CRADD: variants seen among roughly 807,000 people sequenced by gnomAD.
The protein encoded by CRADD is death domain-containing protein CRADD.
CRADD carries 9 observed loss-of-function variants against 15.5 expected under a neutral mutation model. The observed-to-expected ratio is 0.58, with a 90% confidence interval of 0.35 to 1.01. The LOEUF (loss-of-function observed/expected upper bound fraction) is 1.01, where lower values mean the gene tolerates loss of function less well. Among genes scored for constraint, CRADD ranks in the 50% least tolerant of loss-of-function variants. The probability of loss-of-function intolerance (pLI) is 0.02; values close to 1 mark genes in which losing one functional copy is unlikely to be tolerated. For missense variants in CRADD, 227 were observed against 250.3 expected, an observed-to-expected ratio of 0.91 and a Z score of 0.63; for synonymous variants, 118 against 107.6, an observed-to-expected ratio of 1.10 and a Z score of -0.60.
intron 2 of CRADD, chr12:93,826,735 A>T (rs1298336161): frequency 2.0e-5 from 3 of 152,242 alleles, no homozygotes; most frequent in Admixed American, 6.5e-5. Flanking sequence ...GTGGCTGGAG[A>T]GAACTTTCAG....
At chr12:93,884,529 G>T (rs1958522807) in intron 2 of CRADD, among the ~76,000 whole-genome samples, 1 of 152,166 alleles carries the variant, frequency 6.6e-6, no homozygotes, top group East Asian at 1.9e-4. Context: ...GGAGGACGGG[G>T]TGGGGCCTCG....
At chr12:93,779,254 G>A (rs913785882) in intron 2 of CRADD, among the ~76,000 whole-genome samples, 3 of 152,148 alleles carry the variant, frequency 2.0e-5, no homozygotes, top group African/African-American at 7.2e-5. Context: ...GAGGCAATGA[G>A]ATGGAAATAC....
chr12:93,688,016 G>A (rs1481316106), intron 2 of CRADD, among the ~76,000 whole-genome samples: 1 of 152,182 alleles, frequency 6.6e-6, no homozygotes, highest in Non-Finnish European at 1.5e-5. Flanking sequence ...CTGTAGATCA[G>A]GTTATGTCCA....
At chr12:93,816,672 T>A (rs937252508) in intron 2 of CRADD, among the ~76,000 whole-genome samples, 1 of 152,154 alleles carries the variant, frequency 6.6e-6, no homozygotes, top group Non-Finnish European at 1.5e-5. Context: ...GTGGCTGCCA[T>A]ATTGGGTAGT....
At chr12:93,677,582 G>C (rs953517656) in intron 1 of CRADD, 110 bp downstream of exon 1, 6 of 152,280 alleles carry the variant, frequency 3.9e-5, no homozygotes, top group Admixed American at 6.5e-5. Context: ...TTTCCGATCC[G>C]GGCCAAGGCT....
intron 2 of CRADD, among the ~76,000 whole-genome samples, chr12:93,770,026 A>G (rs1013850685): frequency 1.3e-5 from 2 of 151,662 alleles, no homozygotes; most frequent in African/African-American, 2.4e-5. Flanking sequence ...CTTTGTTGTT[A>G]GTACTTTTTG....
chr12:93,741,475 T>G (rs989565886), intron 2 of CRADD, among the ~76,000 whole-genome samples: 3 of 152,178 alleles, frequency 2.0e-5, no homozygotes, highest in Admixed American at 6.5e-5. Flanking sequence ...AAGATCCTAC[T>G]CCAGTAAAAA....
At chr12:93,789,910 A>G (rs1178906942) in intron 2 of CRADD, among the ~76,000 whole-genome samples, 1 of 152,202 alleles carries the variant, frequency 6.6e-6, no homozygotes, top group Non-Finnish European at 1.5e-5. Flanking sequence ...CTCCCTCCAC[A>G]GATGTCTTGT....
chr12:93,817,450 A>T (rs1957717686), intron 2 of CRADD, among the ~76,000 whole-genome samples: 1 of 152,138 alleles, frequency 6.6e-6, no homozygotes, highest in South Asian at 2.1e-4. Flanking sequence ...CTCATTTTCC[A>T]CAAAAGGAAA....
intron 2 of CRADD, among the ~76,000 whole-genome samples, chr12:93,886,178 T>A (rs1958536215): frequency 2.0e-5 from 3 of 150,016 alleles, no homozygotes; most frequent in Admixed American, 1.3e-4. Context: ...TTTTTTTTTT[T>A]TTTTGAGACA....
At chr12:93,831,941 G>A (rs1452300660) in intron 2 of CRADD, among the ~76,000 whole-genome samples, 1 of 152,194 alleles carries the variant, frequency 6.6e-6, no homozygotes, top group Non-Finnish European at 1.5e-5. Context: ...TCAAGTTTTT[G>A]GTTGGTTTTG....
intron 2 of CRADD, among the ~76,000 whole-genome samples, chr12:93,804,056 A>C (rs1957507105): frequency 6.6e-6 from 1 of 152,116 alleles, no homozygotes; most frequent in Non-Finnish European, 1.5e-5. Flanking sequence ...CAGAACTGTT[A>C]AGATAATAAA....
At chr12:93,865,596 T>C (rs1003278616) in intron 2 of CRADD, among the ~76,000 whole-genome samples, 6 of 152,054 alleles carry the variant, frequency 3.9e-5, no homozygotes, top group African/African-American at 2.4e-5. Flanking sequence ...TTTTTAAAAA[T>C]TTTTTGTAGA....
At chr12:93,767,135 G>T (rs1412161711) in intron 2 of CRADD, among the ~76,000 whole-genome samples, 1 of 152,152 alleles carries the variant, frequency 6.6e-6, no homozygotes, top group Non-Finnish European at 1.5e-5. Flanking sequence ...ATTCACAAAG[G>T]ATCTGGTTTC....
chr12:93,767,980 A>G (rs150956075), intron 2 of CRADD, among the ~76,000 whole-genome samples: 1 of 152,272 alleles, frequency 6.6e-6, no homozygotes, highest in Non-Finnish European at 1.5e-5. Flanking sequence ...AAGTATATAC[A>G]TTGGAAACAC....
intron 2 of CRADD, among the ~76,000 whole-genome samples, chr12:93,752,117 G>A (rs1956835335): frequency 6.6e-6 from 1 of 152,226 alleles, no homozygotes; most frequent in Admixed American, 6.5e-5. Flanking sequence ...CTTGCTAAGG[G>A]CGCTATGACC....
intron 2 of CRADD, among the ~76,000 whole-genome samples, chr12:93,771,644 T>C (rs1957086422): frequency 6.6e-6 from 1 of 152,240 alleles, no homozygotes; most frequent in Admixed American, 6.5e-5. Context: ...CCTGAATGTT[T>C]ATGTCCTTTG....
chr12:93,857,030 A>G (rs888550036), intron 2 of CRADD, among the ~76,000 whole-genome samples: 4 of 152,224 alleles, frequency 2.6e-5, no homozygotes, highest in Admixed American at 6.5e-5. Context: ...CAGTGAGCCA[A>G]TTAAGCCTTG....
chr12:93,773,819 T>TTTTG (rs1555223111), intron 2 of CRADD, among the ~76,000 whole-genome samples: 1 of 142,676 alleles, frequency 7.0e-6, no homozygotes, highest in East Asian at 2.1e-4. Flanking sequence ...GTGAGTTTTT[T>TTTTG]TTTTTTTTTT....
Sources: allele counts gnomAD v4.1 joint callset (sites outside exome capture counted in the v4.1 genomes callset), GRCh38; gene constraint gnomAD v4.1.1; transcripts MANE v1.5; gene names NCBI Gene and HGNC (gene_info 2026-07-23, HGNC 2026-07-21).